The following FNIP2 variants were observed in gnomAD, a reference collection of about 807,000 sequenced individuals.
FNIP2 encodes the protein folliculin interacting protein 2, also known as folliculin-interacting protein 2.
FNIP2 carries 32 observed loss-of-function variants against 108.7 expected under a neutral mutation model. The observed-to-expected ratio is 0.29, with a 90% CI of 0.22 to 0.40. FNIP2 has a LOEUF of 0.40. Ranked by LOEUF, FNIP2 falls within the 10% of genes least tolerant of loss-of-function variation. FNIP2 has a pLI of 1.00. For missense variants in FNIP2, 1,202 were observed against 1,381.6 expected (o/e 0.87, Z 2.06); for synonymous variants, 480 against 496.7 (o/e 0.97, Z 0.45).
At chr4:158,859,977 C>G (rs1780190502) in intron 10 of FNIP2, among the ~76,000 whole-genome samples, 1 of 152,170 alleles carries the variant, frequency 6.6e-6, no homozygotes, top group African/African-American at 2.4e-5. Flanking sequence ...AAGCCCTAAG[C>G]ACTACTAACC....
Position 158,868,131 on chromosome 4 carries a change from G to A in FNIP2, c.1495G>A (p.Val499Met). ...GDLYGAIGSP[V>M]RLTRTVVVGK... is the part of the protein sequence containing the mutation. Reference sequence around the variant, plus strand: ...TCTTTACGGAGCCATAGGCTCTCCAGTGAGACTGACTCGCACCGTAGTGGT... The same window carrying A: ...TCTTTACGGAGCCATAGGCTCTCCAATGAGACTGACTCGCACCGTAGTGGT... The change falls in exon 13 of 17, where the codon GTG becomes ATG. Residue 499 changes from valine (V) to methionine (M), a missense_variant. By Grantham distance (21) the Val-to-Met change is conservative (BLOSUM62 1). Coordinates refer to ENST00000264433, the MANE Select transcript of FNIP2 (RefSeq NM_020840.3). This position sits in a 1 kb window ranked among gnomAD's most constrained non-coding sequence, Gnocchi z 4.6. 6.2e-7 allele frequency: 1 copy of A among 1,614,046 alleles called. No homozygotes were observed. The highest frequency in any genetic ancestry group is 8.5e-7 in the Non-Finnish European group (1 of 1,179,892).
chr4:158,878,818 T>TA (rs542056192), intron 14 of FNIP2, among the ~76,000 whole-genome samples: 3 of 151,392 alleles, frequency 2.0e-5, no homozygotes, highest in Admixed American at 6.6e-5. Context: ...ATTGGAACCT[T>TA]AAAAAAAAGA....
At chr4:158,894,639 T>C (rs1279715531) in intron 15 of FNIP2, among the ~76,000 whole-genome samples, 2 of 152,200 alleles carry the variant, frequency 1.3e-5, no homozygotes, top group Non-Finnish European at 2.9e-5. Context: ...TTTAATATTT[T>C]GTGACTCTTA....
chr4:158,899,589 G>A (rs1183532454), intron 16 of FNIP2, among the ~76,000 whole-genome samples: 2 of 152,178 alleles, frequency 1.3e-5, no homozygotes, highest in Non-Finnish European at 2.9e-5. Context: ...GAGGGTGTAT[G>A]TGCCCAGGAA....
Position 158,904,577 on chromosome 4 carries a change from A to AAAAAATCAAATTCTCAACTGAAGGAG in FNIP2, c.*37_*62dup. The AAAAAATCAAATTCTCAACTGAAGGAG allele has an allele frequency of 6.4e-7, 1 of 1,572,986 alleles. No individual in the cohort carries two copies. Among genetic ancestry groups the AAAAAATCAAATTCTCAACTGAAGGAG allele is most frequent in the South Asian group, 1.1e-5 (1 of 89,894 alleles). Reference sequence around the variant, plus strand: ...CTCAGGACAGTTCTTCCTTGGAAGAAAAAAATCAAATTCTCAACTGAAGGA... The same window carrying AAAAAATCAAATTCTCAACTGAAGGAG: ...CTCAGGACAGTTCTTCCTTGGAAGAAAAAAATCAAATTCTCAACTGAAGGAGAAAAATCAAATTCTCAACTGAAGGA... On this transcript the variant is annotated 3_prime_UTR_variant, in exon 17 of 17. Transcript: ENST00000264433.
chr4:158,864,025 T>C (rs1780441286), intron 12 of FNIP2, among the ~76,000 whole-genome samples: 1 of 152,160 alleles, frequency 6.6e-6, no homozygotes, highest in African/African-American at 2.4e-5. Flanking sequence ...AATCAAACCA[T>C]GTATTTTTGT....
At chr4:158,816,897 TC>T (rs1777610655) in intron 1 of FNIP2, among the ~76,000 whole-genome samples, 3 of 152,122 alleles carry the variant, frequency 2.0e-5, no homozygotes, top group African/African-American at 7.2e-5. Context: ...ACAAGTAGTT[TC>T]TAGTTTATAG....
At chr4:158,825,379 C>T (rs1465972829) in intron 1 of FNIP2, among the ~76,000 whole-genome samples, 3 of 152,172 alleles carry the variant, frequency 2.0e-5, no homozygotes, top group Non-Finnish European at 4.4e-5. Context: ...GTTTCTGAAA[C>T]TCCTGGATTA....
intron 3 of FNIP2, among the ~76,000 whole-genome samples, chr4:158,830,018 T>A (rs548739162): frequency 3.0e-4 from 45 of 152,246 alleles, no homozygotes; most frequent in Middle Eastern, 3.4e-3. Flanking sequence ...CACAGCAGTC[T>A]GCAGTTTAAA....
intron 14 of FNIP2, among the ~76,000 whole-genome samples, chr4:158,876,211 T>C (rs891619715): frequency 3.9e-5 from 6 of 152,352 alleles, no homozygotes; most frequent in African/African-American, 1.4e-4. Flanking sequence ...AAAGTTCCTT[T>C]TGATCTTCCC....
chr4:158,877,546 T>C (rs547378823), intron 14 of FNIP2, among the ~76,000 whole-genome samples: 1 of 152,336 alleles, frequency 6.6e-6, no homozygotes, highest in Non-Finnish European at 1.5e-5. Context: ...GATAAGGCCA[T>C]ATGTGATTGT....
chr4:158,868,017 T>C lies in FNIP2; in HGVS notation c.1466-85T>C, dbSNP rs975874537. 5.3e-6 allele frequency: 8 copies of C among 1,514,048 alleles called. No homozygotes were observed. The highest frequency in any genetic ancestry group is 7.2e-6 in the Non-Finnish European group (8 of 1,118,462). The allele number at this position is 1,514,048 out of a possible 1,614,324, so 93.8% of individuals were successfully genotyped here. A position where few individuals can be genotyped will look rare whatever the true frequency, so the allele number is the denominator to read the frequency against. ...GACTCCAGATTGGGAATATAAGTTA[T>C]CTGTTTTGCTCTTGTAAAGACGGAT... On this transcript the variant is annotated intron_variant, in intron 12 of 16. Transcript: ENST00000264433. The surrounding 1 kb of genome is among the most constrained non-coding windows in gnomAD (Gnocchi z 4.6).
chr4:158,885,126 A>C (rs1781955701), intron 14 of FNIP2, among the ~76,000 whole-genome samples: 1 of 152,182 alleles, frequency 6.6e-6, no homozygotes, highest in South Asian at 2.1e-4. Context: ...ACTGCACTCC[A>C]GCCTGGGCAA....
rs193297762 is a variant in FNIP2, at chr4:158,823,356, C to T, written c.108-2560C>T. Reference sequence around the variant, plus strand: ...TCTCGGCTCACTGCAACCTCTGTCTCCCAAGTTCAAGCGATTCTCCTGCCT... The same window carrying T: ...TCTCGGCTCACTGCAACCTCTGTCTTCCAAGTTCAAGCGATTCTCCTGCCT... On this transcript the variant is annotated intron_variant, in intron 1 of 16. Transcript: ENST00000264433. Among the ~76,000 whole-genome samples the T allele has an allele frequency of 4.0e-3, 605 of 152,248 alleles. 2 individuals carry two copies. Among genetic ancestry groups the T allele is most frequent in the Non-Finnish European group, 7.4e-3 (500 of 68,018 alleles).
chr4:158,781,074 A>G (rs1302746652), intron 1 of FNIP2, among the ~76,000 whole-genome samples: 2 of 151,902 alleles, frequency 1.3e-5, no homozygotes, highest in African/African-American at 2.4e-5. Flanking sequence ...ATGAAGTCTA[A>G]GTACTATTTC....
intron 1 of FNIP2, among the ~76,000 whole-genome samples, chr4:158,775,792 A>G (rs1313774105): frequency 2.0e-5 from 3 of 152,204 alleles, no homozygotes; most frequent in African/African-American, 7.2e-5. Context: ...TTGTGGATAA[A>G]TGTTGTATAG....
intron 1 of FNIP2, among the ~76,000 whole-genome samples, chr4:158,824,871 C>G (rs188362238): frequency 6.6e-6 from 1 of 152,270 alleles, no homozygotes; most frequent in East Asian, 1.9e-4. Context: ...ATTTGTTTTG[C>G]TTCTTCAGGT....
chr4:158,790,091 T>C (rs1241689264), intron 1 of FNIP2, among the ~76,000 whole-genome samples: 1 of 151,894 alleles, frequency 6.6e-6, no homozygotes, highest in Non-Finnish European at 1.5e-5. Context: ...ATACAATTAC[T>C]TTCCGGCTAT....
intron 1 of FNIP2, among the ~76,000 whole-genome samples, chr4:158,779,571 GTTT>G (rs11358822): frequency 1.7e-4 from 21 of 120,038 alleles, no homozygotes; most frequent in Admixed American, 2.6e-4. Context: ...GTTGGTCGTG[GTTT>G]TTTTTTTTTT....
Sources: gnomAD v4.1 joint callset for allele counts (sites outside exome capture counted in the v4.1 genomes callset) on GRCh38, gnomAD v4.1.1 for gene constraint, Gnocchi (gnomAD v3.1) non-coding constraint, MANE v1.5 for transcripts, NCBI Gene and HGNC (gene_info 2026-07-23, HGNC 2026-07-21) for gene names.